Variants in PALS2 observed in about 807,000 individuals in gnomAD.
PALS2 encodes the protein protein associated with LIN7 2, MAGUK p55 family member, also known as protein PALS2.
PALS2 carries 27 observed loss-of-function variants against 61.6 expected under a neutral mutation model. The observed-to-expected ratio is 0.44, with a 90% CI of 0.32 to 0.60. The LOEUF (loss-of-function observed/expected upper bound fraction) is 0.60, where lower values mean the gene tolerates loss of function less well. Among genes scored for constraint, PALS2 ranks in the 20% least tolerant of loss-of-function variants. The pLI, the probability that PALS2 is intolerant of heterozygous loss-of-function variation, is 0.05. For missense variants in PALS2, 554 were observed against 639.4 expected, an observed-to-expected ratio of 0.87 and a Z score of 1.44; for synonymous variants, 236 against 218.6, an observed-to-expected ratio of 1.08 and a Z score of -0.70.
intron 9 of PALS2, among the ~76,000 whole-genome samples, chr7:24,676,834 G>A (rs1037010544): frequency 7.3e-5 from 11 of 151,028 alleles, no homozygotes; most frequent in African/African-American, 2.5e-5. Context: ...TGTTCTTTTG[G>A]CTTAGGATTG....
In PALS2 at chr7:24,665,278, A is replaced by G. The variant is rs6959344; in HGVS notation, c.784-310A>G. ...GTGCTAGATAAAATGTCCTGTTAAT[A>G]CATCTTATTTAGAATAGCATTTTCC... On this transcript the variant is annotated intron_variant, in intron 6 of 11. Coordinates refer to ENST00000222644, the MANE Select transcript of PALS2 (RefSeq NM_001303037.2). 6.4e-3 allele frequency among the ~76,000 whole-genome samples: 971 copies of G among 152,338 alleles called. 11 individuals carry two copies. The highest frequency in any genetic ancestry group is 0.022 in the African/African-American group (925 of 41,588).
At chr7:24,636,125 T>C (rs1235269893) in intron 2 of PALS2, among the ~76,000 whole-genome samples, 1 of 149,638 alleles carries the variant, frequency 6.7e-6, no homozygotes, top group African/African-American at 2.5e-5. Context: ...GGCAGGAGAA[T>C]CGCTTGAACC....
chr7:24,671,136 A>G (rs566334925), intron 9 of PALS2, among the ~76,000 whole-genome samples: 5 of 152,302 alleles, frequency 3.3e-5, no homozygotes, highest in Middle Eastern at 6.8e-3. Context: ...TATACCCTTC[A>G]CAATCCCAGC....
intron 3 of PALS2, among the ~76,000 whole-genome samples, chr7:24,648,913 A>C (rs935325629): frequency 6.6e-6 from 1 of 150,598 alleles, no homozygotes; most frequent in Non-Finnish European, 1.5e-5. Flanking sequence ...TCAAAAAAGA[A>C]AAAAAAAAAG....
Position 24,650,695 on chromosome 7 carries a change from AC to A in PALS2, c.636del (p.Ile213LeufsTer8). 2.5e-6 allele frequency: 4 copies of A among 1,586,848 alleles called. No individual in the cohort carries two copies. Among genetic ancestry groups the A allele is most frequent in the Non-Finnish European group, 3.5e-6 (4 of 1,159,240 alleles). On this transcript the variant is annotated frameshift_variant, in exon 5 of 12. Coordinates refer to ENST00000222644, the MANE Select transcript of PALS2 (RefSeq NM_001303037.2). LOFTEE classifies it high-confidence loss of function. Reference protein sequence around the residue: ...TLKILPSYRDTITPQQVFVKC... With the variant: ...TLKILPSYRDXITPQQVFVKC... ...AAAAATCTTACCAAGTTATAGAGAT[AC>A]CATTACTCCTCAACAGGTTAGTAAT...
intron 2 of PALS2, among the ~76,000 whole-genome samples, chr7:24,630,326 G>T (rs1006824896): frequency 6.6e-6 from 1 of 152,092 alleles, no homozygotes; most frequent in African/African-American, 2.4e-5. Flanking sequence ...ACCGATCCCT[G>T]TCGGGGGTTT....
rs148840344 is a variant in PALS2, at chr7:24,622,970, C to G, written c.-2-696C>G. 5.7e-3 allele frequency among the ~76,000 whole-genome samples: 869 copies of G among 151,972 alleles called. 15 individuals are homozygous for G. Among genetic ancestry groups the G allele is most frequent in the African/African-American group, 0.02 (845 of 41,520 alleles). On this transcript the variant is annotated intron_variant, in intron 1 of 11. Transcript: ENST00000222644. ...TTGTTCTTGGTTTTATTAATAGAGT[C>G]TGTTGAGTTTTTATCTGTTGAACCA...
At chr7:24,586,815 GAC>G (rs1354773172) in intron 1 of PALS2, among the ~76,000 whole-genome samples, 2 of 152,130 alleles carry the variant, frequency 1.3e-5, no homozygotes, top group Admixed American at 6.5e-5. Context: ...GAGCCTGAAA[GAC>G]AGTGGTGGCA....
At chr7:24,654,298 C>G (rs556248180) in intron 5 of PALS2, among the ~76,000 whole-genome samples, 1 of 150,664 alleles carries the variant, frequency 6.6e-6, no homozygotes, top group East Asian at 1.9e-4. Context: ...TACAGTATGA[C>G]AAAAATAAAT....
rs76583996 is a variant in PALS2 at position 24,687,085 on chromosome 7, G to A, written c.1447-353G>A. The stretch of plus-strand genomic sequence containing the variant: ...ATGGGCCATGAGATAAAAATCTTTC[G>A]AAAAGGATGATATAGTGGAGCTGGA... On this transcript the variant is annotated intron_variant, in intron 11 of 11. Coordinates refer to ENST00000222644, the MANE Select transcript of PALS2 (RefSeq NM_001303037.2). This position sits in a 1 kb window ranked among gnomAD's most constrained non-coding sequence, Gnocchi z 4.5. 0.016 allele frequency among the ~76,000 whole-genome samples: 2,466 copies of A among 152,228 alleles called. 80 individuals carry two copies. The highest frequency in any genetic ancestry group is 0.057 in the African/African-American group (2,353 of 41,538).
chr7:24,609,269 A>G (rs1444057533), intron 1 of PALS2, among the ~76,000 whole-genome samples: 1 of 152,158 alleles, frequency 6.6e-6, no homozygotes, highest in Non-Finnish European at 1.5e-5. Flanking sequence ...TCCTCCCACC[A>G]GCCTTCTACC....
chr7:24,646,389 T>C (rs548563076), intron 3 of PALS2, among the ~76,000 whole-genome samples: 9 of 152,194 alleles, frequency 5.9e-5, no homozygotes, highest in Non-Finnish European at 1.0e-4. Flanking sequence ...TTGGAAGCCT[T>C]TTCTGCTCTA....
intron 1 of PALS2, among the ~76,000 whole-genome samples, chr7:24,574,804 C>T (rs2128036707): frequency 6.6e-6 from 1 of 152,200 alleles, no homozygotes; most frequent in East Asian, 1.9e-4. Context: ...CATTTGTAAA[C>T]TTATGTTGGT....
rs1277357037 is a variant in PALS2 at position 24,693,971 on chromosome 7, T to C, written c.*6357T>C. The C allele has an allele frequency of 6.6e-6, 1 of 152,042 alleles. No individual in the cohort carries two copies. Among genetic ancestry groups the C allele is most frequent in the Non-Finnish European group, 1.5e-5 (1 of 68,004 alleles). 9.4% of individuals were successfully genotyped at this position (152,042 alleles called of 1,614,324 possible). ...GACGCATGCTTTTTTAAACCTCTAG[T>C]TTTTGAAGTAACTGTAGAAGAGAAT... On this transcript the variant is annotated 3_prime_UTR_variant, in exon 12 of 12. Transcript: ENST00000222644.
chr7:24,675,266 A>C (rs940870878), intron 9 of PALS2, among the ~76,000 whole-genome samples: 2 of 152,218 alleles, frequency 1.3e-5, no homozygotes, highest in African/African-American at 4.8e-5. Context: ...CTTCACCGAA[A>C]AAACATTAAT....
rs1288547284 is a variant in PALS2, at chr7:24,689,014, A to G, written c.*1400A>G. 6.6e-6 allele frequency: 1 copy of G among 152,122 alleles called. No individual in the cohort carries two copies. The allele number at this position is 152,122 out of a possible 1,614,324, so 9.4% of individuals were successfully genotyped here. A position where few individuals can be genotyped will look rare whatever the true frequency, so the allele number is the denominator to read the frequency against. ...TTTTTAGTACAGATGGGGTTTCACC[A>G]TGTTGGCCAGGGTGGTCTCGAGCTC... On this transcript the variant is annotated 3_prime_UTR_variant, in exon 12 of 12. Coordinates refer to ENST00000222644, the MANE Select transcript of PALS2 (RefSeq NM_001303037.2).
chr7:24,603,690 C>G (rs1275849551), intron 1 of PALS2, among the ~76,000 whole-genome samples: 1 of 152,070 alleles, frequency 6.6e-6, no homozygotes, highest in Admixed American at 6.6e-5. Context: ...AATATTGGTC[C>G]ATCATTAAGC....
At chr7:24,637,461 T>G (rs546830343) in intron 2 of PALS2, among the ~76,000 whole-genome samples, 2 of 151,820 alleles carry the variant, frequency 1.3e-5, no homozygotes, top group Non-Finnish European at 2.9e-5. Context: ...GATCTTGAGT[T>G]TTAGGTCTCT....
rs1021192987 is a variant in PALS2, at chr7:24,649,697, A to G, written c.356A>G (p.Asn119Ser). ...CCAGAAATGAATAATTCTTCTATCA[A>G]TAATCAGTTATTACCAGTAGATGCC... ...SSPEMNNSSI[N>S]NQLLPVDAIR... Residue 119 changes from asparagine to serine, a missense_variant, in exon 4 of 12, where the codon AAT (asparagine) becomes AGT (serine). Physicochemically the swap from Asn to Ser is conservative, Grantham distance 46. Transcript: ENST00000222644. The G allele has an allele frequency of 5.0e-6, 8 of 1,611,932 alleles. No homozygotes were observed. Among genetic ancestry groups the G allele is most frequent in the Middle Eastern group, 1.6e-4 (1 of 6,064 alleles).
Sources: gnomAD v4.1 joint callset for allele counts (sites outside exome capture counted in the v4.1 genomes callset) on GRCh38, gnomAD v4.1.1 for gene constraint, Gnocchi (gnomAD v3.1) non-coding constraint, MANE v1.5 for transcripts, NCBI Gene and HGNC (gene_info 2026-07-23, HGNC 2026-07-21) for gene names.